Variants in RTN2 observed in about 807,000 individuals in gnomAD.
The protein encoded by RTN2 is reticulon-2.
Under a neutral mutation model 63.7 loss-of-function variants are expected in RTN2, and 36 were observed. The ratio of observed to expected loss-of-function variants is 0.56; its 90% confidence interval spans 0.43 to 0.75. The LOEUF is 0.75. RTN2 is among the 30% of genes least tolerant of loss of function. RTN2 has a pLI of 0.00. For synonymous variants in RTN2, 312 were observed against 313.0 expected (o/e 1.00, Z 0.03); for missense variants, 673 against 705.1 (o/e 0.95, Z 0.52).
rs372988926 is a variant in RTN2, at chr19:45,488,464, C to T, written c.1497+7G>A. The T allele has an allele frequency of 2.5e-6, 4 of 1,613,340 alleles. No homozygotes were observed. The highest frequency in any genetic ancestry group is 3.4e-6 in the Non-Finnish European group (4 of 1,179,660). On this transcript the variant is annotated splice_region_variant and intron_variant, in intron 9 of 10. Transcript: ENST00000245923. ...GGGGTGCTGACAACTGAGGGTGTCA[C>T]ACTCACCTGGTGCTGCCGGTACAGC...
intron 5 of RTN2, among the ~76,000 whole-genome samples, chr19:45,490,511 T>C (rs961090715): frequency 8.6e-5 from 13 of 150,554 alleles, no homozygotes; most frequent in Non-Finnish European, 1.5e-4. Flanking sequence ...CAGGGTGGAA[T>C]TGCTGGGTGG....
rs1299159641 is a variant in RTN2 at position 45,494,299 on chromosome 19, C to T, written c.681G>A (p.Ser227=). Residue 227 remains serine (S), a synonymous_variant, in exon 4 of 11, where the codon TCG becomes TCA. Coordinates refer to ENST00000245923, the MANE Select transcript of RTN2 (RefSeq NM_005619.5). This position sits in a 1 kb window ranked among gnomAD's most constrained non-coding sequence, Gnocchi z 5.3. ...GCAATGGCTCTTCGGGCCCAGAGTT[C>T]GAATCTCGCGATCGGGATGGGGACG... ...GTPSPSRSRD[S]NSGPEEPLLE... is the part of the protein sequence containing the mutation. 6.2e-7 allele frequency: 1 copy of T among 1,613,932 alleles called. No homozygotes were observed. Among genetic ancestry groups the T allele is most frequent in the East Asian group, 2.2e-5 (1 of 44,882 alleles).
intron 5 of RTN2, among the ~76,000 whole-genome samples, chr19:45,490,735 C>A (rs890971450): frequency 2.0e-5 from 3 of 151,668 alleles, no homozygotes; most frequent in African/African-American, 2.4e-5. Context: ...CTCCACCACA[C>A]CCGGCTAATT....
At chr19:45,492,771 C>A (rs1968186794) in intron 5 of RTN2, among the ~76,000 whole-genome samples, 1 of 152,198 alleles carries the variant, frequency 6.6e-6, no homozygotes, top group Non-Finnish European at 1.5e-5. Context: ...CAGGGCCCTC[C>A]CAGGCAGGCT....
chr19:45,493,456 T>C (rs1968205055), intron 4 of RTN2, 78 bp from the exon 5 acceptor site: 8 of 1,059,584 alleles, frequency 7.6e-6, no homozygotes, highest in Middle Eastern at 4.3e-4. Context: ...AAAAAGAGGG[T>C]TTTTGTTTGT....
At chr19:45,496,042 C>T (rs1393349358) in intron 1 of RTN2, among the ~76,000 whole-genome samples, 3 of 151,678 alleles carry the variant, frequency 2.0e-5, no homozygotes, top group Non-Finnish European at 2.9e-5. Context: ...GGACAGAGAA[C>T]GGTAGACATG....
intron 10 of RTN2, 45 bp from the exon 11 acceptor site, chr19:45,485,834 G>T: frequency 1.3e-6 from 2 of 1,500,880 alleles, no homozygotes; most frequent in Non-Finnish European, 1.9e-6. Flanking sequence ...CAAGAGACGC[G>T]GGGTGGGCAT....
chr19:45,492,635 T>C (rs903464992), intron 5 of RTN2, among the ~76,000 whole-genome samples: 2 of 152,194 alleles, frequency 1.3e-5, no homozygotes, highest in African/African-American at 4.8e-5. Context: ...CTCTCTATCC[T>C]CCCACACTCC....
chr19:45,493,241 G>C lies in RTN2; in HGVS notation c.952C>G (p.Arg318Gly). 6.2e-7 allele frequency: 1 copy of C among 1,613,856 alleles called. No homozygotes were observed. Among genetic ancestry groups the C allele is most frequent in the African/African-American group, 1.3e-5 (1 of 75,022 alleles). ...GATTTTGCCCACTTCAGTAGAACCC[G>C]GAGGACAGGAGTAGGGGGGGTGGGG... ...RGPTPPTPVL[R>G]VLLKWAKSPR... is the part of the protein sequence containing the mutation. Residue 318 changes from arginine to glycine, a missense_variant, in exon 5 of 11, where the codon CGG becomes GGG. Transcript: ENST00000245923.
intron 1 of RTN2, among the ~76,000 whole-genome samples, chr19:45,496,188 T>C (rs1176065904): frequency 1.3e-5 from 2 of 152,184 alleles, no homozygotes; most frequent in East Asian, 3.8e-4. Context: ...TGACGCCCTG[T>C]GCCCTCACCT....
intron 9 of RTN2, among the ~76,000 whole-genome samples, chr19:45,486,982 G>GCC (rs965912268): frequency 4.3e-5 from 6 of 138,750 alleles, no homozygotes; most frequent in Admixed American, 7.6e-5. Flanking sequence ...TGATCCGCCT[G>GCC]CCTCAGCCTC....
intron 5 of RTN2, among the ~76,000 whole-genome samples, chr19:45,490,535 CTGTGTGTG>C (rs56279132): frequency 0.028 from 4,076 of 145,852 alleles, 57 homozygotes; most frequent in Non-Finnish European, 0.039. Flanking sequence ...GGTTGTGTGT[CTGTGTGTG>C]TGTGTGTGTG....
rs1968082171 is a variant in RTN2 at position 45,488,697 on chromosome 19, G to C, written c.1390C>G (p.Leu464Val). 8.1e-6 allele frequency: 13 copies of C among 1,613,762 alleles called. No individual in the cohort carries two copies. Among genetic ancestry groups the C allele is most frequent in the Non-Finnish European group, 1.0e-5 (12 of 1,179,880 alleles). The part of the protein sequence containing the change: ...DLVDSLKLAL[L>V]FYILTFVGAI... ...CCCACGAAGGTCAAGATGTAGAAGA[G>C]GAGGGCCAGCTGGGGGTGAAGGTCA... Residue 464 changes from leucine to valine, a missense_variant, in exon 8 of 11, where the codon CTC becomes GTC. Coordinates refer to ENST00000245923, the MANE Select transcript of RTN2 (RefSeq NM_005619.5).
chr19:45,494,367 G>T lies in RTN2; in HGVS notation c.613C>A (p.Pro205Thr). The T allele has an allele frequency of 1.9e-6, 3 of 1,614,108 alleles. No homozygotes were observed. Among genetic ancestry groups the T allele is most frequent in the African/African-American group, 2.7e-5 (2 of 75,050 alleles). The change falls in exon 4 of 11, where the codon CCC becomes ACC. Residue 205 changes from proline (P) to threonine (T), a missense_variant. Physicochemically the swap from Pro to Thr is conservative, Grantham distance 38. Transcript: ENST00000245923. The surrounding 1 kb of genome is among the most constrained non-coding windows in gnomAD (Gnocchi z 5.3). ...GTCCCAGAGCCCGGACTGAGCTGGG[G>T]AGTCAAGACCTCGGGCGATGAGGGC... ...AQPSSPEVLT[P>T]QLSPGSGTPQ...
At position 45,485,625 on chromosome 19, in the gene RTN2, T is replaced by A; in HGVS notation, c.*83A>T. 1 of 1,016,990 alleles carries A rather than the reference T, an allele frequency of 9.8e-7. No homozygotes were observed. The highest frequency in any genetic ancestry group is 1.5e-6 in the Non-Finnish European group (1 of 683,200). The allele number at this position is 1,016,990 out of a possible 1,614,324, so 63.0% of individuals were successfully genotyped here. On this transcript the variant is annotated 3_prime_UTR_variant, in exon 11 of 11. Transcript: ENST00000245923. ...AAAAGGCTCGGGCCGAGGAGGGGGG[T>A]GGGTGGGAACGGACAAGAGATGGAG...
At position 45,489,333 on chromosome 19, in the gene RTN2, C is replaced by T. The variant is rs773962360; in HGVS notation, c.1241+13G>A. On this transcript the variant is annotated intron_variant, in intron 6 of 10. Transcript: ENST00000245923. The stretch of plus-strand genomic sequence containing the variant: ...CAGGACAGGGGCTCAGGTCAGGGGC[C>T]GGGGGTTCTCACTGGAAAGGGTTGG... The T allele has an allele frequency of 8.4e-6, 13 of 1,552,172 alleles. No homozygotes were observed. The highest frequency in any genetic ancestry group is 2.0e-5 in the Admixed American group (1 of 51,054).
chr19:45,485,311 T>C lies in RTN2; in HGVS notation c.*397A>G, dbSNP rs1967992527. 4 of 198,690 alleles carry C rather than the reference T, an allele frequency of 2.0e-5. No homozygotes were observed. The highest frequency in any genetic ancestry group is 1.6e-4 in the Admixed American group (3 of 19,014). The allele number at this position is 198,690 out of a possible 1,614,324, so 12.3% of individuals were successfully genotyped here. A position where few individuals can be genotyped will look rare whatever the true frequency, so the allele number is the denominator to read the frequency against. On this transcript the variant is annotated 3_prime_UTR_variant, in exon 11 of 11. Coordinates refer to ENST00000245923, the MANE Select transcript of RTN2 (RefSeq NM_005619.5). ...GCCTCGGGTTTTCCACAGGAGTCTT[T>C]ATTACAGTGTAAATCCAAGCTCAGG...
At position 45,494,226 on chromosome 19, in the gene RTN2, T is replaced by A. The variant is rs776146730; in HGVS notation, c.754A>T (p.Arg252Trp). 1.9e-6 allele frequency: 3 copies of A among 1,611,468 alleles called. No individual in the cohort carries two copies. The highest frequency in any genetic ancestry group is 2.5e-6 in the Non-Finnish European group (3 of 1,180,012). ...QWGPLEREPVRGQCLDSTDQL... is the reference protein window; with the variant it reads ...QWGPLEREPVWGQCLDSTDQL... ...TCCGTGCTATCGAGGCACTGTCCCC[T>A]TACTGGCTCTCGCTCCAGTGGCCCC... is the stretch of plus-strand genomic sequence containing the variant. The change falls in exon 4 of 11, where the codon AGG becomes TGG. Residue 252 changes from arginine to tryptophan, a missense_variant. Arg to Trp is a moderately radical substitution (Grantham distance 101, BLOSUM62 -3). Coordinates refer to ENST00000245923, the MANE Select transcript of RTN2 (RefSeq NM_005619.5). The surrounding 1 kb of genome is among the most constrained non-coding windows in gnomAD (Gnocchi z 5.3).
chr19:45,492,728 C>T (rs1175905083), intron 5 of RTN2, among the ~76,000 whole-genome samples: 1 of 152,244 alleles, frequency 6.6e-6, no homozygotes, highest in East Asian at 1.9e-4. Context: ...CTCTCATTTA[C>T]CTCCAAATAG....
Sources: allele counts gnomAD v4.1 joint callset (sites outside exome capture counted in the v4.1 genomes callset), GRCh38; gene constraint gnomAD v4.1.1; non-coding constraint Gnocchi (gnomAD v3.1); transcripts MANE v1.5; gene names NCBI Gene and HGNC (gene_info 2026-07-23, HGNC 2026-07-21).